The following EPC1 variants were observed in gnomAD, a reference collection of about 807,000 sequenced individuals.
The protein encoded by EPC1 is enhancer of polycomb homolog 1.
A neutral mutation model predicts 98.4 loss-of-function variants in EPC1; 12 were observed. That is an observed-to-expected ratio of 0.12 (90% CI 0.08 to 0.20). The LOEUF (loss-of-function observed/expected upper bound fraction) is 0.20, where lower values mean the gene tolerates loss of function less well. Among genes scored for constraint, EPC1 ranks in the 10% least tolerant of loss-of-function variants. The pLI, the probability that EPC1 is intolerant of heterozygous loss-of-function variation, is 1.00. For synonymous variants in EPC1, 357 were observed against 363.9 expected (o/e 0.98, Z 0.21); for missense variants, 729 against 990.5 (o/e 0.74, Z 3.54).
exon 1 of EPC1, chr10:32,378,501 G>C: frequency 6.5e-7 from 1 of 1,546,204 alleles, no homozygotes; most frequent in South Asian, 1.2e-5. Context: ...CATTAGTGCA[G>C]GCAAAGAAGA....
intron 1 of EPC1, chr10:32,345,397 C>T: frequency 2.0e-6 from 2 of 985,310 alleles, no homozygotes; most frequent in Non-Finnish European, 2.4e-6. Context: ...AGTTTTATTT[C>T]CAAAAACAAC....
chr10:32,341,682 A>G (rs1838365044), intron 1 of EPC1, among the ~76,000 whole-genome samples: 1 of 152,236 alleles, frequency 6.6e-6, no homozygotes, highest in South Asian at 2.1e-4. Context: ...TCAGGTGCAT[A>G]GGCATGTAAA....
rs371926805 is a variant in EPC1, at chr10:32,365,867, C to T, written c.3+12624G>A. 3.4e-5 allele frequency among the ~76,000 whole-genome samples: 4 copies of T among 118,000 alleles called. No individual in the cohort carries two copies. In the East Asian group the frequency reaches 1.1e-3, roughly 32 times the overall value. 77.4% of individuals were successfully genotyped at this position (118,000 alleles called of 152,430 possible). On this transcript the variant is annotated intron_variant, in intron 1 of 13. Transcript: ENST00000375110. ...AAAAAAAAAAGGACAGGTGCAATGG[C>T]TCAAACATGTAATCCCAGCGCTTTG...
At chr10:32,277,518 ACTAC>A (rs1836164289) in intron 10 of EPC1, among the ~76,000 whole-genome samples, 1 of 152,230 alleles carries the variant, frequency 6.6e-6, no homozygotes, top group Non-Finnish European at 1.5e-5. Flanking sequence ...AGAAGTAGAA[ACTAC>A]CTTTGTTTTG....
chr10:32,306,656 G>C (rs1835891694), intron 1 of EPC1, among the ~76,000 whole-genome samples: 1 of 152,174 alleles, frequency 6.6e-6, no homozygotes, highest in South Asian at 2.1e-4. Flanking sequence ...ACTGTACAGA[G>C]TTGGAGATTT....
intron 1 of EPC1, among the ~76,000 whole-genome samples, chr10:32,374,659 T>TA (rs905294851): frequency 3.3e-5 from 5 of 152,176 alleles, no homozygotes; most frequent in African/African-American, 1.2e-4. Context: ...AGATCTAAAT[T>TA]AAAAAAATAT....
intron 1 of EPC1, among the ~76,000 whole-genome samples, chr10:32,361,819 A>G (rs923270490): frequency 1.3e-5 from 2 of 152,204 alleles, no homozygotes; most frequent in Admixed American, 6.5e-5. Flanking sequence ...GCATTCCCAG[A>G]CAGTTAAGGC....
At chr10:32,307,343 G>T (rs572145236) in intron 1 of EPC1, among the ~76,000 whole-genome samples, 1 of 152,280 alleles carries the variant, frequency 6.6e-6, no homozygotes, top group East Asian at 1.9e-4. Context: ...AAATGGAAGT[G>T]CTCAAAGGGT....
chr10:32,286,929 A>G lies in EPC1; in HGVS notation c.1239T>C (p.Tyr413=). 6.2e-7 allele frequency: 1 copy of G among 1,613,258 alleles called. No individual in the cohort carries two copies. The highest frequency in any genetic ancestry group is 1.1e-5 in the South Asian group (1 of 91,014). ...ACAAAGACACTCTGAAACTTACAGC[A>G]TAGTACTGACAGCCTGCTTTCCTAC... ...AFRRKAGCQY[Y]APHLDQTGNW... is the part of the protein sequence containing the mutation. Residue 413 remains tyrosine (Y), a synonymous_variant, in exon 8 of 14, where the codon TAT becomes TAC. Coordinates refer to ENST00000319778, the MANE Select transcript of EPC1 (RefSeq NM_001272004.3).
At chr10:32,308,689 A>C (rs1836018486) in intron 1 of EPC1, among the ~76,000 whole-genome samples, 1 of 152,196 alleles carries the variant, frequency 6.6e-6, no homozygotes, top group African/African-American at 2.4e-5. Flanking sequence ...GTGAGAATGT[A>C]AATTAGTACA....
intron 2 of EPC1, among the ~76,000 whole-genome samples, chr10:32,304,109 AGGAG>A: frequency 6.6e-6 from 1 of 152,232 alleles, no homozygotes; most frequent in Non-Finnish European, 1.5e-5. Flanking sequence ...TTATAATGTC[AGGAG>A]TCAATTCCTT....
chr10:32,336,609 C>A (rs566851011), intron 1 of EPC1, among the ~76,000 whole-genome samples: 1 of 152,272 alleles, frequency 6.6e-6, no homozygotes, highest in Non-Finnish European at 1.5e-5. Flanking sequence ...TCTGAAGGTT[C>A]TCCCTCACTC....
intron 1 of EPC1, among the ~76,000 whole-genome samples, chr10:32,323,734 G>C (rs748985123): frequency 6.6e-6 from 1 of 152,084 alleles, no homozygotes; most frequent in Non-Finnish European, 1.5e-5. Flanking sequence ...CTCTTAGCAT[G>C]GTCCCTAGCA....
chr10:32,347,093 G>GCTCCT lies in EPC1; in HGVS notation c.-183_-179dup, dbSNP rs1838895656. ...GGAGGGTGGGAGGCTGTGCCGCTCC[G>GCTCCT]CTCCTCTCTCGCTCGCTCTCTTCAA... On this transcript the variant is annotated 5_prime_UTR_variant, in exon 1 of 14. Coordinates refer to ENST00000319778, the MANE Select transcript of EPC1 (RefSeq NM_001272004.3). The GCTCCT allele has an allele frequency of 5.5e-6, 8 of 1,442,794 alleles. No individual in the cohort carries two copies. Among genetic ancestry groups the GCTCCT allele is most frequent in the Non-Finnish European group, 6.3e-6 (7 of 1,104,478 alleles). 89.4% of individuals were successfully genotyped at this position (1,442,794 alleles called of 1,614,324 possible).
At chr10:32,314,096 C>T (rs367612765) in intron 1 of EPC1, among the ~76,000 whole-genome samples, 52 of 152,128 alleles carry the variant, frequency 3.4e-4, no homozygotes, top group African/African-American at 1.2e-3. Flanking sequence ...GAGGCATAAA[C>T]TCTCAAATCA....
intron 10 of EPC1, chr10:32,283,100 T>G (rs1272205267): frequency 1.3e-5 from 2 of 152,184 alleles, no homozygotes; most frequent in Non-Finnish European, 1.5e-5. Context: ...TCTCATGAGC[T>G]GAAAGACTTC....
rs1029544237 is a variant in EPC1 at position 32,286,740 on chromosome 10, G to C, written c.1345C>G (p.Gln449Glu). The change falls in exon 9 of 14, where the codon CAA becomes GAA. Residue 449 changes from glutamine to glutamate, a missense_variant. Gln to Glu is a conservative substitution (Grantham distance 29, BLOSUM62 2). Coordinates refer to ENST00000319778, the MANE Select transcript of EPC1 (RefSeq NM_001272004.3). Reference protein sequence around the residue: ...RYCLTTLTVPQRCIGFARRRV... With the variant: ...RYCLTTLTVPERCIGFARRRV... ...CTTCGTGCAAATCCAATACACCTTT[G>C]GGGTACGGTGAGAGTAGTTAAGCAG... 5 of 1,613,928 alleles carry C rather than the reference G, an allele frequency of 3.1e-6. No individual in the cohort carries two copies. The highest frequency in any genetic ancestry group is 1.1e-5 in the South Asian group (1 of 91,082).
chr10:32,276,198 GA>G (rs1347054806), intron 10 of EPC1, among the ~76,000 whole-genome samples: 1 of 152,080 alleles, frequency 6.6e-6, no homozygotes, highest in East Asian at 1.9e-4. Flanking sequence ...AATCTTTTGG[GA>G]CTCTGTCTTC....
intron 10 of EPC1, among the ~76,000 whole-genome samples, chr10:32,279,529 C>G (rs553258772): frequency 1.3e-5 from 2 of 152,142 alleles, no homozygotes; most frequent in South Asian, 4.1e-4. Flanking sequence ...GATATTAAGA[C>G]TTGGAACATA....
Sources: gnomAD v4.1 joint callset for allele counts (sites outside exome capture counted in the v4.1 genomes callset) on GRCh38, gnomAD v4.1.1 for gene constraint, MANE v1.5 for transcripts, NCBI Gene and HGNC (gene_info 2026-07-23, HGNC 2026-07-21) for gene names.